SBK1: variants seen among roughly 807,000 people sequenced by gnomAD.
The protein encoded by SBK1 is serine/threonine-protein kinase SBK1.
SBK1 carries 11 observed loss-of-function variants against 24.4 expected under a neutral mutation model. The observed-to-expected ratio is 0.45, with a 90% CI of 0.28 to 0.75. SBK1 has a LOEUF of 0.75. Among genes scored for constraint, SBK1 ranks in the 30% least tolerant of loss-of-function variants. SBK1 has a pLI of 0.12. For synonymous variants in SBK1, 308 were observed against 284.4 expected (o/e 1.08, Z -0.83); for missense variants, 467 against 620.5 (o/e 0.75, Z 2.63).
At chr16:28,294,983 G>T (rs1306417018) in intron 1 of SBK1, among the ~76,000 whole-genome samples, 3 of 152,336 alleles carry the variant, frequency 2.0e-5, no homozygotes, top group African/African-American at 7.2e-5. Flanking sequence ...AGCTTGAAGG[G>T]CGGATGGAGA....
intron 1 of SBK1, among the ~76,000 whole-genome samples, chr16:28,308,022 A>G (rs1347658299): frequency 6.6e-6 from 1 of 152,178 alleles, no homozygotes; most frequent in Admixed American, 6.5e-5. Flanking sequence ...TTCTCTTTAC[A>G]GGCTGGTCAC....
Position 28,319,333 on chromosome 16 carries a change from T to G in SBK1, c.429+136T>G. 1 of 700,382 alleles carries G rather than the reference T, an allele frequency of 1.4e-6. No individual in the cohort carries two copies. The highest frequency in any genetic ancestry group is 2.5e-6 in the Non-Finnish European group (1 of 403,668). The allele number at this position is 700,382 out of a possible 1,614,324, so 43.4% of individuals were successfully genotyped here. On this transcript the variant is annotated intron_variant, in intron 3 of 3. Transcript: ENST00000341901. This position sits in a 1 kb window ranked among gnomAD's most constrained non-coding sequence, Gnocchi z 4.0. ...GTATGTCAGTTACCATTTGGGGAGG[T>G]GGGGATGTGCAGTAAGGAAGACAAA...
upstream of SBK1, chr16:28,292,513 G>GGGCGGAGC: frequency 1.0e-6 from 1 of 978,862 alleles, no homozygotes; most frequent in Non-Finnish European, 1.2e-6. Context: ...GCTGGCTGGA[G>GGGCGGAGC]GGCGGAGCCG....
At chr16:28,298,936 C>T (rs867631228) in intron 1 of SBK1, among the ~76,000 whole-genome samples, 53 of 152,208 alleles carry the variant, frequency 3.5e-4, no homozygotes, top group African/African-American at 1.2e-3. Flanking sequence ...TTAGGGTCCC[C>T]CACCATAGCC....
At chr16:28,273,867 A>G in intron 1 of SBK1, among the ~76,000 whole-genome samples, 1 of 152,252 alleles carries the variant, frequency 6.6e-6, no homozygotes, top group East Asian at 1.9e-4. Flanking sequence ...AGGTACACCC[A>G]TACAATGGAA....
At position 28,317,037 on chromosome 16, in the gene SBK1, C is replaced by G. The variant is rs2044801354; in HGVS notation, c.-7-348C>G. Among the ~76,000 whole-genome samples the G allele has an allele frequency of 6.6e-6, 1 of 152,202 alleles. No homozygotes were observed. Among genetic ancestry groups the G allele is most frequent in the South Asian group, 2.1e-4 (1 of 4,834 alleles). ...CTCTACAATCCAAATAAAACCAACGCTTCTGAATGGGAGTACCCGTGTGAA... is the reference window on the plus strand; with the variant it reads ...CTCTACAATCCAAATAAAACCAACGGTTCTGAATGGGAGTACCCGTGTGAA... On this transcript the variant is annotated intron_variant, in intron 1 of 3. Transcript: ENST00000341901. The surrounding 1 kb of genome is among the most constrained non-coding windows in gnomAD (Gnocchi z 4.2).
chr16:28,279,540 A>T (rs186988999), intron 1 of SBK1, among the ~76,000 whole-genome samples: 16 of 152,126 alleles, frequency 1.1e-4, no homozygotes, highest in Admixed American at 7.9e-4. Context: ...TGGGTCCCGC[A>T]TTCTGTCACG....
At chr16:28,276,445 C>T (rs934088605) in intron 1 of SBK1, among the ~76,000 whole-genome samples, 3 of 152,286 alleles carry the variant, frequency 2.0e-5, no homozygotes, top group African/African-American at 4.8e-5. Context: ...CTGGCAGCTG[C>T]GGGGTGACCC....
At chr16:28,264,933 C>A (rs897964070) in intron 1 of SBK1, among the ~76,000 whole-genome samples, 2 of 151,960 alleles carry the variant, frequency 1.3e-5, no homozygotes, top group African/African-American at 2.4e-5. Flanking sequence ...GGAGAGGGGG[C>A]GTGGTCCACC....
chr16:28,293,949 G>A (rs1180485346), intron 1 of SBK1, among the ~76,000 whole-genome samples: 1 of 152,208 alleles, frequency 6.6e-6, no homozygotes, highest in African/African-American at 2.4e-5. Context: ...TGAGGCGCTA[G>A]TTTCTGGGGA....
At chr16:28,262,236 C>G (rs2044402420) in intron 1 of SBK1, among the ~76,000 whole-genome samples, 1 of 152,116 alleles carries the variant, frequency 6.6e-6, no homozygotes, top group African/African-American at 2.4e-5. Flanking sequence ...CCCAGCCAAC[C>G]CCGCCCCGCC....
chr16:28,318,910 C>A, intron 2 of SBK1, 85 bp from the exon 3 acceptor site: 1 of 973,808 alleles, frequency 1.0e-6, no homozygotes, highest in Non-Finnish European at 1.7e-6. Context: ...CCTGTTGCAC[C>A]AGGGTCCAGA....
At chr16:28,307,470 T>C (rs1423699449) in intron 1 of SBK1, among the ~76,000 whole-genome samples, 1 of 152,154 alleles carries the variant, frequency 6.6e-6, no homozygotes, top group African/African-American at 2.4e-5. Context: ...CTGGATGTGG[T>C]GGCTCACACC....
chr16:28,312,784 G>C (rs1036059545), intron 1 of SBK1, among the ~76,000 whole-genome samples: 21 of 152,212 alleles, frequency 1.4e-4, no homozygotes, highest in African/African-American at 5.1e-4. Context: ...AGGACTGTTT[G>C]AGCCCAGGAG....
chr16:28,272,123 G>A (rs2044469207), intron 1 of SBK1, among the ~76,000 whole-genome samples: 1 of 152,090 alleles, frequency 6.6e-6, no homozygotes, highest in South Asian at 2.1e-4. Context: ...TGTTACTGAG[G>A]CTGGAGTACA....
At chr16:28,278,034 C>T (rs1357375578) in intron 1 of SBK1, among the ~76,000 whole-genome samples, 1 of 152,278 alleles carries the variant, frequency 6.6e-6, no homozygotes, top group Non-Finnish European at 1.5e-5. Flanking sequence ...CCTGTTTGGT[C>T]AGCCATAAAA....
Position 28,265,812 on chromosome 16 carries a change from A to G in SBK1, c.257+6310A>G, listed in dbSNP as rs1300739136. Among the ~76,000 whole-genome samples, 11 of 151,840 alleles carry G rather than the reference A, an allele frequency of 7.2e-5. 1 individual carries two copies. The South Asian group carries it at 2.3e-3, about 32-fold the overall frequency. ...AACATGATGAAACCCTATCTCTACT[A>G]AAAATACAAAAATTAGCCCCGCGTG... On this transcript the variant is annotated intron_variant, in intron 1 of 3. Coordinates refer to the SBK1 transcript ENST00000671413.
upstream of SBK1, chr16:28,258,916 G>A (rs1374214472): frequency 6.5e-6 from 1 of 152,890 alleles, no homozygotes; most frequent in East Asian, 1.9e-4. Flanking sequence ...AGGCACCTCT[G>A]CGGCCGTGCT....
Position 28,322,968 on chromosome 16 carries a change from CTCTCTCTCT to C in SBK1, c.*2048_*2056del, listed in dbSNP as rs1596556984. ...TCTCTCTCTCTCTCTCTCTCTCTCTCTCTCTCTCTCTCCTCTCTTTCTCTCTCTCCCTCT... is the reference window on the plus strand; with the variant it reads ...TCTCTCTCTCTCTCTCTCTCTCTCTCCTCCTCTCTTTCTCTCTCTCCCTCT... On this transcript the variant is annotated 3_prime_UTR_variant, in exon 4 of 4. Coordinates refer to ENST00000341901, the MANE Select transcript of SBK1 (RefSeq NM_001024401.3). The C allele has an allele frequency of 7.9e-6, 1 of 126,790 alleles. No individual in the cohort carries two copies. Among genetic ancestry groups the C allele is most frequent in the East Asian group, 2.2e-4 (1 of 4,468 alleles). 7.9% of individuals were successfully genotyped at this position (126,790 alleles called of 1,614,324 possible). A position where few individuals can be genotyped will look rare whatever the true frequency, so the allele number is the denominator to read the frequency against.
Sources: gnomAD v4.1 joint callset for allele counts (sites outside exome capture counted in the v4.1 genomes callset) on GRCh38, gnomAD v4.1.1 for gene constraint, Gnocchi (gnomAD v3.1) non-coding constraint, MANE v1.5 for transcripts, NCBI Gene and HGNC (gene_info 2026-07-23, HGNC 2026-07-21) for gene names.